The following GARNL3 variants were observed in gnomAD, a reference collection of about 807,000 sequenced individuals.
GARNL3 encodes GTPase-activating Rap/Ran-GAP domain-like protein 3.
Under a neutral mutation model 125.0 loss-of-function variants are expected in GARNL3, and 63 were observed. That is an observed-to-expected ratio of 0.50 (90% CI 0.41 to 0.62). The LOEUF (loss-of-function observed/expected upper bound fraction) is 0.62, where lower values mean the gene tolerates loss of function less well. Among genes scored for constraint, GARNL3 ranks in the 20% least tolerant of loss-of-function variants. The pLI is 0.00. For missense variants in GARNL3, 994 were observed against 1,244.0 expected (o/e 0.80, Z 3.02); for synonymous variants, 439 against 457.5 (o/e 0.96, Z 0.52).
At position 127,231,051 on chromosome 9, in the gene GARNL3, T is replaced by TATATATA. The variant is rs756942109; in HGVS notation, c.-29+6713_-29+6714insATATATA. Among the ~76,000 whole-genome samples the TATATATA allele has an allele frequency of 9.3e-3, 538 of 57,858 alleles. 5 individuals carry two copies. The highest frequency in any genetic ancestry group is 0.046 in the Admixed American group (185 of 4,022). 38.0% of individuals were successfully genotyped at this position (57,858 alleles called of 152,430 possible). A position where few individuals can be genotyped will look rare whatever the true frequency, so the allele number is the denominator to read the frequency against. On this transcript the variant is annotated intron_variant, in intron 1 of 10. Coordinates refer to the GARNL3 transcript ENST00000439286. The stretch of plus-strand genomic sequence containing the variant: ...GTATATATACATATATATATATATA[T>TATATATA]TTTTTTTTTTTTTTTTTTTTTGAGA...
intron 27 of GARNL3, among the ~76,000 whole-genome samples, chr9:127,391,949 A>G (rs1832892752): frequency 6.6e-6 from 1 of 152,202 alleles, no homozygotes; most frequent in Admixed American, 6.5e-5. Flanking sequence ...CATTCACTCA[A>G]CACACATTCT....
chr9:127,324,544 T>C (rs2065505096), intron 6 of GARNL3, among the ~76,000 whole-genome samples: 1 of 152,216 alleles, frequency 6.6e-6, no homozygotes, highest in Admixed American at 6.5e-5. Context: ...GTCAGAGCCT[T>C]GGCTTTGGTG....
intron 1 of GARNL3, among the ~76,000 whole-genome samples, chr9:127,226,491 C>G (rs995028483): frequency 1.3e-5 from 2 of 152,222 alleles, no homozygotes; most frequent in Non-Finnish European, 2.9e-5. Flanking sequence ...AGGCCTGGCC[C>G]ATGGGACATC....
At chr9:127,258,542 G>A (rs960038580) in intron 2 of GARNL3, among the ~76,000 whole-genome samples, 1 of 152,178 alleles carries the variant, frequency 6.6e-6, no homozygotes, top group African/African-American at 2.4e-5. Context: ...GAGAGGCTAA[G>A]GTGGGAGGAT....
At chr9:127,330,410 A>T (rs1244177384) in intron 7 of GARNL3, among the ~76,000 whole-genome samples, 1 of 152,228 alleles carries the variant, frequency 6.6e-6, no homozygotes, top group Non-Finnish European at 1.5e-5. Context: ...GATCATTTGG[A>T]GACATCGTAT....
intron 1 of GARNL3, among the ~76,000 whole-genome samples, chr9:127,241,116 C>T (rs957101539): frequency 2.0e-5 from 3 of 152,290 alleles, no homozygotes; most frequent in Non-Finnish European, 4.4e-5. Flanking sequence ...GACAGCTCAG[C>T]GTCAGTCACA....
At chr9:127,357,774 T>C (rs886179980) in intron 21 of GARNL3, among the ~76,000 whole-genome samples, 9 of 109,748 alleles carry the variant, frequency 8.2e-5, no homozygotes, top group Non-Finnish European at 1.6e-4. Flanking sequence ...CCTGTCTGTA[T>C]TTAAAATTAA....
chr9:127,369,943 A>G (rs571568112), intron 22 of GARNL3, among the ~76,000 whole-genome samples: 2 of 152,168 alleles, frequency 1.3e-5, no homozygotes, highest in African/African-American at 2.4e-5. Context: ...CACAGTGGGA[A>G]GAGGAAGGAT....
In GARNL3 at chr9:127,288,816, A is replaced by G. The variant is rs2064325898; in HGVS notation, c.145-2352A>G. On this transcript the variant is annotated intron_variant, in intron 1 of 27. Coordinates refer to ENST00000373387, the MANE Select transcript of GARNL3 (RefSeq NM_032293.5). The stretch of plus-strand genomic sequence containing the variant: ...TATATTTTTATATGAATGAATGACT[A>G]TCAGCTCTTCTCCCAAGCCTTCGAC... Among the ~76,000 whole-genome samples, 4 of 152,300 alleles carry G rather than the reference A, an allele frequency of 2.6e-5. No homozygotes were observed. In the South Asian group the frequency reaches 8.3e-4, roughly 32 times the overall value.
Position 127,353,962 on chromosome 9 carries a change from G to A in GARNL3, c.1642+18G>A, listed in dbSNP as rs771275919. On this transcript the variant is annotated intron_variant, in intron 18 of 27. Transcript: ENST00000373387. ...AGACAAAGGTGGTATTCCCTGCCGG[G>A]TGGCATGCTGTGGAGGAAGGAAAAC... The A allele has an allele frequency of 4.6e-6, 7 of 1,527,038 alleles. No homozygotes were observed. Among genetic ancestry groups the A allele is most frequent in the Non-Finnish European group, 6.4e-6 (7 of 1,101,120 alleles). The allele number at this position is 1,527,038 out of a possible 1,614,324, so 94.6% of individuals were successfully genotyped here. A position where few individuals can be genotyped will look rare whatever the true frequency, so the allele number is the denominator to read the frequency against.
chr9:127,245,985 G>A (rs1294517620), intron 2 of GARNL3, among the ~76,000 whole-genome samples: 1 of 152,132 alleles, frequency 6.6e-6, no homozygotes, highest in Non-Finnish European at 1.5e-5. Context: ...TATAACAACA[G>A]TCCAGTGCTG....
upstream of GARNL3, chr9:127,264,112 A>G: frequency 1.4e-6 from 1 of 700,714 alleles, no homozygotes; most frequent in Admixed American, 3.0e-5. Flanking sequence ...TTTGCATGAC[A>G]TATTAGAATC....
At chr9:127,260,489 G>T (rs976104853), upstream of GARNL3, among the ~76,000 whole-genome samples, 1 of 152,178 alleles carries the variant, frequency 6.6e-6, no homozygotes, top group South Asian at 2.1e-4. Context: ...ACACTAATCA[G>T]TTTCTGGGTA....
chr9:127,335,056 C>G (rs1256046790), intron 9 of GARNL3, among the ~76,000 whole-genome samples, 174 bp from the exon 10 acceptor site: 2 of 152,162 alleles, frequency 1.3e-5, no homozygotes, highest in African/African-American at 4.8e-5. Flanking sequence ...GAGGAAGAGG[C>G]CTTTCCATGT....
chr9:127,332,318 G>A lies in GARNL3; in HGVS notation c.639G>A (p.Gly213=), dbSNP rs1050991745. Residue 213 remains glycine, a synonymous_variant, in exon 8 of 28, where the codon GGG becomes GGA. Coordinates refer to ENST00000373387, the MANE Select transcript of GARNL3 (RefSeq NM_032293.5). ...TTGGGGTTCTTTTTGCCAAAGATGGGCAGCTCACTGATGATGAGATGTTCA... is the reference window on the plus strand; with the variant it reads ...TTGGGGTTCTTTTTGCCAAAGATGGACAGCTCACTGATGATGAGATGTTCA... The part of the protein sequence containing the change: ...FKFGVLFAKD[G]QLTDDEMFSN... The A allele has an allele frequency of 1.9e-6, 3 of 1,613,828 alleles. No individual in the cohort carries two copies. The highest frequency in any genetic ancestry group is 1.7e-5 in the Admixed American group (1 of 60,002).
At chr9:127,332,900 C>T in intron 8 of GARNL3, 123 bp from the exon 9 acceptor site, 1 of 725,124 alleles carries the variant, frequency 1.4e-6, no homozygotes. Flanking sequence ...GTGACTTACC[C>T]ATGCTGTTTA....
At chr9:127,389,210 T>A (rs2131839940) in intron 26 of GARNL3, 91 bp downstream of exon 26, 3 of 937,392 alleles carry the variant, frequency 3.2e-6, no homozygotes, top group Non-Finnish European at 4.9e-6. Flanking sequence ...ACAATGAGTT[T>A]AAAAGGAAAG....
At chr9:127,311,402 A>G (rs1301091559) in intron 2 of GARNL3, among the ~76,000 whole-genome samples, 3 of 152,148 alleles carry the variant, frequency 2.0e-5, no homozygotes, top group Non-Finnish European at 4.4e-5. Flanking sequence ...CATTTTAGGA[A>G]TAGCTGAACT....
chr9:127,354,202 C>T, intron 18 of GARNL3, 92 bp from the exon 19 acceptor site: 1 of 913,298 alleles, frequency 1.1e-6, no homozygotes, highest in Non-Finnish European at 1.7e-6. Context: ...CACCTCCAAT[C>T]CTAGTTTTTC....
Sources: allele counts gnomAD v4.1 joint callset (sites outside exome capture counted in the v4.1 genomes callset), GRCh38; gene constraint gnomAD v4.1.1; transcripts MANE v1.5; gene names NCBI Gene and HGNC (gene_info 2026-07-23, HGNC 2026-07-21).